The following RNF150 variants were observed in gnomAD, a reference collection of about 807,000 sequenced individuals.
The protein encoded by RNF150 is ring finger protein 150.
Under a neutral mutation model 39.3 loss-of-function variants are expected in RNF150, and 24 were observed. The observed-to-expected ratio is 0.61, with a 90% confidence interval of 0.44 to 0.86. The LOEUF (loss-of-function observed/expected upper bound fraction) is 0.86, where lower values mean the gene tolerates loss of function less well. Among genes scored for constraint, RNF150 ranks in the 40% least tolerant of loss-of-function variants. RNF150 has a pLI of 0.00. For synonymous variants in RNF150, 255 were observed against 227.3 expected (o/e 1.12, Z -1.10); for missense variants, 502 against 587.8 (o/e 0.85, Z 1.51).
At chr4:141,150,142 G>A (rs946320010) in intron 1 of RNF150, among the ~76,000 whole-genome samples, 1 of 152,032 alleles carries the variant, frequency 6.6e-6, no homozygotes, top group Non-Finnish European at 1.5e-5. Context: ...AAAAATGGTG[G>A]GAAAATATAC....
intron 1 of RNF150, among the ~76,000 whole-genome samples, chr4:141,064,386 A>G (rs1737369752): frequency 6.6e-6 from 1 of 152,160 alleles, no homozygotes; most frequent in East Asian, 1.9e-4. Context: ...TGTAAATATT[A>G]TGAGGTCAAT....
intron 1 of RNF150, among the ~76,000 whole-genome samples, chr4:140,993,069 T>C (rs1034533974): frequency 5.9e-5 from 9 of 152,198 alleles, no homozygotes; most frequent in East Asian, 1.9e-4. Context: ...GGTGGATGCA[T>C]TGGTTTCCTA....
chr4:141,132,725 G>A lies in RNF150; in HGVS notation c.84C>T (p.Cys28=). 1 of 1,610,702 alleles carries A rather than the reference G, an allele frequency of 6.2e-7. No homozygotes were observed. Among genetic ancestry groups the A allele is most frequent in the East Asian group, 2.2e-5 (1 of 44,630 alleles). The change falls in exon 1 of 7, where the codon TGC becomes TGT. Residue 28 remains cysteine (C), a synonymous_variant. Transcript: ENST00000515673. This position sits in a 1 kb window ranked among gnomAD's most constrained non-coding sequence, Gnocchi z 4.9. ...CCTTCTCGGCCACGGTAAAGTCCAG[G>A]CAGAGCAGATGCACGAAACAAAAGG... The part of the protein sequence containing the change: ...LLSFCFVHLL[C]LDFTVAEKEE...
intron 5 of RNF150, among the ~76,000 whole-genome samples, chr4:140,916,093 G>A (rs913608710): frequency 4.0e-5 from 6 of 151,752 alleles, no homozygotes; most frequent in South Asian, 4.2e-4. Context: ...AAAAGATGGG[G>A]AAAAAACGGA....
At chr4:141,180,969 G>A (rs115452116) in intron 1 of RNF150, among the ~76,000 whole-genome samples, 4,605 of 152,204 alleles carry the variant, frequency 0.03, 240 homozygotes, top group African/African-American at 0.1. Context: ...AATCATTATG[G>A]TGAGTTTTTT....
intron 6 of RNF150, among the ~76,000 whole-genome samples, chr4:140,901,285 T>C (rs1299492645): frequency 2.3e-5 from 3 of 127,868 alleles, no homozygotes; most frequent in Non-Finnish European, 5.0e-5. Context: ...TTCTGCTGCA[T>C]AGTACAATAT....
intron 1 of RNF150, among the ~76,000 whole-genome samples, chr4:141,023,280 C>G (rs1381082531): frequency 1.3e-5 from 2 of 152,026 alleles, no homozygotes; most frequent in African/African-American, 4.8e-5. Context: ...GAGTCTTGCT[C>G]TGTCACCCAG....
intron 6 of RNF150, among the ~76,000 whole-genome samples, chr4:140,877,431 G>A (rs1007886216): frequency 6.6e-6 from 1 of 152,186 alleles, no homozygotes; most frequent in African/African-American, 2.4e-5. Context: ...TGAAAAAGGA[G>A]TGTAAAAGAG....
intron 1 of RNF150, among the ~76,000 whole-genome samples, chr4:141,052,528 A>G (rs1169407103): frequency 6.6e-6 from 1 of 152,218 alleles, no homozygotes; most frequent in African/African-American, 2.4e-5. Flanking sequence ...GGCATGCGCC[A>G]CCATGCCCAG....
At chr4:140,947,042 A>G (rs932978599) in intron 4 of RNF150, among the ~76,000 whole-genome samples, 3 of 152,170 alleles carry the variant, frequency 2.0e-5, no homozygotes, top group Non-Finnish European at 2.9e-5. Flanking sequence ...GTGAATTTCA[A>G]TTAGGGAGAG....
rs1382250306 is a variant in RNF150, at chr4:140,994,552, C to T, written c.485-26679G>A. Among the ~76,000 whole-genome samples the T allele has an allele frequency of 3.9e-5, 6 of 152,272 alleles. No individual in the cohort carries two copies. The East Asian group carries it at 5.8e-4, about 15-fold the overall frequency. The stretch of plus-strand genomic sequence containing the variant: ...ACCAAAGCCAGGGGCTAATATTGAA[C>T]AGTGACCTTATTGTGGTGGCTCTCT... On this transcript the variant is annotated intron_variant, in intron 1 of 6. Transcript: ENST00000515673.
chr4:141,171,651 G>C (rs1461624993), intron 1 of RNF150, among the ~76,000 whole-genome samples: 3 of 152,156 alleles, frequency 2.0e-5, no homozygotes, highest in Non-Finnish European at 4.4e-5. Flanking sequence ...ACTTTCAATT[G>C]AATGTACTAC....
chr4:141,197,911 C>T (rs938936065), intron 1 of RNF150, among the ~76,000 whole-genome samples: 2 of 151,770 alleles, frequency 1.3e-5, no homozygotes, highest in Non-Finnish European at 2.9e-5. Context: ...AAGAAATGGC[C>T]TCAATAAGCA....
At chr4:140,943,670 T>C (rs1471952663) in intron 4 of RNF150, among the ~76,000 whole-genome samples, 1 of 152,250 alleles carries the variant, frequency 6.6e-6, no homozygotes, top group East Asian at 1.9e-4. Context: ...CTTTAGAGCA[T>C]GCATCATGCC....
At chr4:141,133,567 G>A (rs1343700518), upstream of RNF150, 1 of 152,204 alleles carries the variant, frequency 6.6e-6, no homozygotes, top group Non-Finnish European at 1.5e-5. Context: ...ATGTTCCCTT[G>A]GTCTCTCTTT....
At chr4:141,066,240 C>T (rs1221618568) in intron 1 of RNF150, among the ~76,000 whole-genome samples, 6 of 69,788 alleles carry the variant, frequency 8.6e-5, no homozygotes, top group East Asian at 3.9e-4. Flanking sequence ...AGTATATGTG[C>T]GAAAAAAAAA....
chr4:141,197,118 G>A (rs1423513430), intron 1 of RNF150, among the ~76,000 whole-genome samples: 1 of 151,854 alleles, frequency 6.6e-6, no homozygotes, highest in Non-Finnish European at 1.5e-5. Context: ...TGTAGCTTTT[G>A]TTTGCTGTAC....
chr4:141,108,399 T>C (rs1259092419), intron 1 of RNF150, among the ~76,000 whole-genome samples: 2 of 152,208 alleles, frequency 1.3e-5, no homozygotes, highest in East Asian at 1.9e-4. Flanking sequence ...TACTGGTACA[T>C]TATCAATATT....
chr4:141,069,811 G>T (rs1351110525), intron 1 of RNF150, among the ~76,000 whole-genome samples: 2 of 152,178 alleles, frequency 1.3e-5, no homozygotes, highest in Non-Finnish European at 2.9e-5. Context: ...GTCGAGGAAT[G>T]TATCCATTTC....
Sources: gnomAD v4.1 joint callset for allele counts (sites outside exome capture counted in the v4.1 genomes callset) on GRCh38, gnomAD v4.1.1 for gene constraint, Gnocchi (gnomAD v3.1) non-coding constraint, MANE v1.5 for transcripts, NCBI Gene and HGNC (gene_info 2026-07-23, HGNC 2026-07-21) for gene names.